PTPRT: variants seen among roughly 807,000 people sequenced by gnomAD.
The protein encoded by PTPRT is protein tyrosine phosphatase receptor type T.
PTPRT carries 56 observed loss-of-function variants against 176.8 expected under a neutral mutation model. The ratio of observed to expected loss-of-function variants is 0.32; its 90% CI spans 0.26 to 0.40. The LOEUF (loss-of-function observed/expected upper bound fraction) is 0.40. PTPRT is among the 10% of genes least tolerant of loss of function. PTPRT has a pLI of 1.00. For missense variants in PTPRT, 1,540 were observed against 1,908.2 expected, an observed-to-expected ratio of 0.81 and a Z score of 3.60; for synonymous variants, 783 against 739.0, an observed-to-expected ratio of 1.06 and a Z score of -0.96.
intron 1 of PTPRT, among the ~76,000 whole-genome samples, chr20:43,182,838 AAAAAC>A (rs201441385): frequency 1.3e-5 from 2 of 152,014 alleles, no homozygotes; most frequent in South Asian, 2.1e-4. Flanking sequence ...AAGGCGCAAA[AAAAAC>A]AAAACAAAAC....
intron 6 of PTPRT, among the ~76,000 whole-genome samples, chr20:42,756,075 A>C (rs886574621): frequency 6.6e-6 from 1 of 152,220 alleles, no homozygotes; most frequent in Admixed American, 6.5e-5. Context: ...TTGAGTTTTC[A>C]ATTTTTAAAA....
chr20:43,095,489 C>T (rs1273129903), intron 1 of PTPRT, among the ~76,000 whole-genome samples: 1 of 152,120 alleles, frequency 6.6e-6, no homozygotes, highest in East Asian at 1.9e-4. Context: ...ACCAGAAGGC[C>T]CCATGTGGCT....
At chr20:42,084,185 G>A (rs975928745) in intron 29 of PTPRT, among the ~76,000 whole-genome samples, 9 of 152,176 alleles carry the variant, frequency 5.9e-5, no homozygotes, top group East Asian at 3.9e-4. Flanking sequence ...TCCACCCAGC[G>A]TAATGACACC....
At chr20:42,296,070 T>C (rs1414602207) in intron 12 of PTPRT, among the ~76,000 whole-genome samples, 1 of 152,212 alleles carries the variant, frequency 6.6e-6, no homozygotes, top group Non-Finnish European at 1.5e-5. Flanking sequence ...CGAACTAATA[T>C]AGGCAATATG....
chr20:43,088,829 A>G (rs932975198), intron 1 of PTPRT, among the ~76,000 whole-genome samples: 2 of 152,140 alleles, frequency 1.3e-5, no homozygotes, highest in Non-Finnish European at 2.9e-5. Context: ...GTCATCATCC[A>G]GGGAAGAACT....
intron 6 of PTPRT, among the ~76,000 whole-genome samples, chr20:42,744,983 G>A (rs1024311450): frequency 6.6e-6 from 1 of 152,222 alleles, no homozygotes; most frequent in Non-Finnish European, 1.5e-5. Context: ...CATGTGCTTG[G>A]TGGGCACTTG....
intron 12 of PTPRT, 36 bp from the exon 13 acceptor site, chr20:42,282,561 CTG>C (rs775166013): frequency 5.4e-5 from 84 of 1,558,986 alleles, no homozygotes; most frequent in Non-Finnish European, 7.3e-5. Context: ...AATTAATTAG[CTG>C]TGAGTTATAT....
intron 13 of PTPRT, among the ~76,000 whole-genome samples, chr20:42,255,630 G>T (rs2056624782): frequency 6.6e-6 from 1 of 152,130 alleles, no homozygotes; most frequent in Non-Finnish European, 1.5e-5. Context: ...AACATAATTT[G>T]GCAACAAGGG....
At chr20:42,693,897 T>A (rs2075828763) in intron 6 of PTPRT, among the ~76,000 whole-genome samples, 1 of 152,136 alleles carries the variant, frequency 6.6e-6, no homozygotes, top group Non-Finnish European at 1.5e-5. Flanking sequence ...TCATCATTCA[T>A]CCCTGGGAAC....
At chr20:42,423,205 A>C (rs974603519) in intron 9 of PTPRT, among the ~76,000 whole-genome samples, 3 of 137,512 alleles carry the variant, frequency 2.2e-5, no homozygotes, top group Admixed American at 7.4e-5. Flanking sequence ...AAAAAAAGGA[A>C]GAGAAAGACT....
intron 9 of PTPRT, among the ~76,000 whole-genome samples, chr20:42,357,066 T>C (rs2058368209): frequency 6.6e-6 from 1 of 152,220 alleles, no homozygotes; most frequent in Non-Finnish European, 1.5e-5. Flanking sequence ...GTCTCTCTTT[T>C]GAGCCACTAA....
intron 8 of PTPRT, among the ~76,000 whole-genome samples, chr20:42,451,632 C>T (rs193113485): frequency 3.3e-5 from 5 of 152,176 alleles, no homozygotes; most frequent in African/African-American, 9.6e-5. Flanking sequence ...GAAGGTAAGC[C>T]GTCATTGTAG....
In PTPRT at chr20:42,151,553, G is replaced by T. The variant is rs540913797; in HGVS notation, c.2683-9551C>A. 1.7e-4 allele frequency among the ~76,000 whole-genome samples: 26 copies of T among 152,260 alleles called. No homozygotes were observed. The South Asian group carries it at 3.5e-3, about 21-fold the overall frequency. ...TTCTTTATCCAGTCTATCATTGATG[G>T]GCATTTGGGTTGGTTCCAAGTCTTT... On this transcript the variant is annotated intron_variant, in intron 17 of 30. Coordinates refer to ENST00000373187, the MANE Select transcript of PTPRT (RefSeq NM_007050.6).
intron 1 of PTPRT, among the ~76,000 whole-genome samples, chr20:42,888,386 T>C (rs920717570): frequency 1.3e-5 from 2 of 152,236 alleles, no homozygotes; most frequent in East Asian, 1.9e-4. Flanking sequence ...CCCAAGCATT[T>C]GCTCTGTGTT....
intron 15 of PTPRT, among the ~76,000 whole-genome samples, chr20:42,223,302 C>T (rs1386649647): frequency 1.3e-5 from 2 of 152,054 alleles, no homozygotes; most frequent in Non-Finnish European, 2.9e-5. Context: ...CTGGTAAATC[C>T]CCACAGCAAC....
In PTPRT at chr20:42,832,506, T is replaced by TA. The variant is rs1270894858; in HGVS notation, c.215-41041dup. 3.1e-3 allele frequency among the ~76,000 whole-genome samples: 467 copies of TA among 148,964 alleles called. 5 individuals are homozygous for TA. The highest frequency in any genetic ancestry group is 0.011 in the African/African-American group (448 of 40,616). ...CACACATACTCCTGAAACTAAAAGCTAAAAAAAAAGACATTTTGAAGAGCA... is the reference window on the plus strand; with the variant it reads ...CACACATACTCCTGAAACTAAAAGCTAAAAAAAAAAGACATTTTGAAGAGCA... On this transcript the variant is annotated intron_variant, in intron 2 of 30. Coordinates refer to ENST00000373187, the MANE Select transcript of PTPRT (RefSeq NM_007050.6).
chr20:42,048,146 G>A, the PTPRT span, among the ~76,000 whole-genome samples: 1 of 152,208 alleles, frequency 6.6e-6, no homozygotes, highest in Non-Finnish European at 1.5e-5. Context: ...GAAGGAAGTT[G>A]AGAAAAGGCC....
intron 2 of PTPRT, among the ~76,000 whole-genome samples, chr20:42,821,944 T>G (rs1339522509): frequency 6.6e-6 from 1 of 152,112 alleles, no homozygotes; most frequent in Non-Finnish European, 1.5e-5. Context: ...TCCATCCTCA[T>G]GGATAGGAAG....
At chr20:42,263,823 C>G (rs749787608) in intron 13 of PTPRT, among the ~76,000 whole-genome samples, 2 of 151,922 alleles carry the variant, frequency 1.3e-5, no homozygotes, top group African/African-American at 4.8e-5. Context: ...CCATACCTGG[C>G]CTGAATCATA....
Sources: gnomAD v4.1 joint callset for allele counts (sites outside exome capture counted in the v4.1 genomes callset) on GRCh38, gnomAD v4.1.1 for gene constraint, MANE v1.5 for transcripts, NCBI Gene and HGNC (gene_info 2026-07-23, HGNC 2026-07-21) for gene names.